The following CDH18 variants were observed in gnomAD, a reference collection of about 807,000 sequenced individuals.
CDH18 encodes the protein cadherin-18.
Under a neutral mutation model 67.9 loss-of-function variants are expected in CDH18, and 31 were observed. That is an observed-to-expected ratio of 0.46 (90% confidence interval 0.34 to 0.62). The LOEUF (loss-of-function observed/expected upper bound fraction) is 0.62, where lower values mean the gene tolerates loss of function less well. Ranked by LOEUF, CDH18 falls within the 20% of genes least tolerant of loss-of-function variation. The pLI, the probability that CDH18 is intolerant of heterozygous loss-of-function variation, is 0.01. For synonymous variants in CDH18, 362 were observed against 347.2 expected (o/e 1.04, Z -0.48); for missense variants, 890 against 975.5 (o/e 0.91, Z 1.17).
intron 2 of CDH18, among the ~76,000 whole-genome samples, chr5:20,164,290 T>A (rs751775310): frequency 2.0e-5 from 3 of 152,148 alleles, no homozygotes; most frequent in Non-Finnish European, 2.9e-5. Flanking sequence ...GTTTGTTTGT[T>A]TTTTGTATTT....
intron 1 of CDH18, among the ~76,000 whole-genome samples, chr5:20,514,102 A>T (rs758326895): frequency 4.8e-4 from 73 of 152,246 alleles, no homozygotes; most frequent in Non-Finnish European, 9.3e-4. Flanking sequence ...TTTTCAGTTT[A>T]AATTATTCTC....
At chr5:20,350,723 T>C (rs1741097671) in intron 1 of CDH18, among the ~76,000 whole-genome samples, 1 of 152,124 alleles carries the variant, frequency 6.6e-6, no homozygotes, top group Non-Finnish European at 1.5e-5. Context: ...GAGGCAAACA[T>C]TTCAGAACTG....
intron 6 of CDH18, among the ~76,000 whole-genome samples, chr5:19,607,813 C>A (rs1047185054): frequency 4.6e-5 from 7 of 151,200 alleles, no homozygotes; most frequent in Non-Finnish European, 8.9e-5. Flanking sequence ...TTATACCACA[C>A]AAACCATAAC....
chr5:19,989,434 C>G (rs567274864), upstream of CDH18, among the ~76,000 whole-genome samples: 83 of 152,270 alleles, frequency 5.5e-4, no homozygotes, highest in Admixed American at 9.2e-4. Flanking sequence ...ACGGCTGGGA[C>G]ATACCTTTAC....
chr5:20,239,752 T>C (rs1742750162), intron 2 of CDH18, among the ~76,000 whole-genome samples: 1 of 152,158 alleles, frequency 6.6e-6, no homozygotes, highest in African/African-American at 2.4e-5. Context: ...ATGAAGATGC[T>C]TGACAATCTT....
intron 2 of CDH18, among the ~76,000 whole-genome samples, chr5:19,976,896 G>T (rs1204131340): frequency 1.3e-5 from 2 of 152,092 alleles, no homozygotes; most frequent in East Asian, 3.9e-4. Context: ...CTAATATTAA[G>T]TAAGGATTAA....
chr5:20,292,336 G>A (rs545687502), intron 1 of CDH18, among the ~76,000 whole-genome samples: 1 of 152,292 alleles, frequency 6.6e-6, no homozygotes, highest in East Asian at 1.9e-4. Flanking sequence ...TGGATTTGAG[G>A]ATAGAGAGCT....
rs752178597 is a variant in CDH18 at position 19,543,923 on chromosome 5, G to A, written c.1336C>T (p.Leu446Phe). ...TACCATGGAGTTTCTTCTCTGTCGA[G>A]AACCTTTGTAGTCCTAATGGTCCCA... ...NTGTIRTTKVLDREETPWYNI... is the reference protein window; with the variant it reads ...NTGTIRTTKVFDREETPWYNI... Residue 446 changes from leucine to phenylalanine, a missense_variant, in exon 9 of 13, where the codon CTC becomes TTC. Physicochemically the swap from Leu to Phe is conservative, Grantham distance 22 (BLOSUM62 0). This residue lies in a region of CDH18 where 656 missense variants were observed against 668.1 expected (regional missense o/e 0.98). Transcript: ENST00000382275. The A allele has an allele frequency of 6.3e-7, 1 of 1,596,206 alleles. No individual in the cohort carries two copies. Among genetic ancestry groups the A allele is most frequent in the Non-Finnish European group, 8.6e-7 (1 of 1,167,792 alleles).
Position 20,404,376 on chromosome 5 carries a change from T to C in CDH18, c.-579-148871A>G, listed in dbSNP as rs147617571. 8.5e-5 allele frequency among the ~76,000 whole-genome samples: 13 copies of C among 152,348 alleles called. No homozygotes were observed. In the East Asian group the frequency reaches 2.3e-3, roughly 27 times the overall value. ...CAAAAGGCCTAGCTTTGGGTCTGTC[T>C]TGTCCTTTGGCATGCCTTTTTCACC... On this transcript the variant is annotated intron_variant, in intron 1 of 14. Transcript: ENST00000507958.
Position 20,330,209 on chromosome 5 carries a change from C to CTGAAA in CDH18, c.-579-74709_-579-74705dup, listed in dbSNP as rs570302730. On this transcript the variant is annotated intron_variant, in intron 1 of 14. Transcript: ENST00000507958. ...TCCAATGGAAAATTTGAATCTATTG[C>CTGAAA]TGAAATTGCTGTCTTAGGTAATTCA... 2.2e-4 allele frequency among the ~76,000 whole-genome samples: 33 copies of CTGAAA among 152,072 alleles called. No individual in the cohort carries two copies. The South Asian group carries it at 6.0e-3, about 28-fold the overall frequency.
At chr5:19,589,793 T>C (rs921060365) in intron 7 of CDH18, among the ~76,000 whole-genome samples, 4 of 152,132 alleles carry the variant, frequency 2.6e-5, no homozygotes, top group Admixed American at 2.6e-4. Flanking sequence ...TTTTGATCCC[T>C]TAAATGTGCC....
chr5:19,479,157 A>T (rs372813363), intron 12 of CDH18, among the ~76,000 whole-genome samples: 69 of 152,204 alleles, frequency 4.5e-4, no homozygotes, highest in African/African-American at 1.6e-3. Flanking sequence ...TAGAAATAGA[A>T]ACAAGAAAAA....
chr5:20,370,857 T>G (rs1289814655), intron 1 of CDH18, among the ~76,000 whole-genome samples: 1 of 151,988 alleles, frequency 6.6e-6, no homozygotes, highest in Non-Finnish European at 1.5e-5. Context: ...GCCAACATGA[T>G]GAAACCCCAT....
chr5:20,474,008 C>T (rs1752270015), intron 1 of CDH18, among the ~76,000 whole-genome samples: 1 of 152,104 alleles, frequency 6.6e-6, no homozygotes, highest in African/African-American at 2.4e-5. Flanking sequence ...TTGTAAATCT[C>T]CCCTTAATTC....
At chr5:20,130,133 G>A (rs1749149983) in intron 2 of CDH18, among the ~76,000 whole-genome samples, 1 of 150,402 alleles carries the variant, frequency 6.6e-6, no homozygotes, top group Admixed American at 6.6e-5. Flanking sequence ...TATTTTAGGG[G>A]AAATCAGAGG....
chr5:20,379,245 C>T (rs1743711406), intron 1 of CDH18, among the ~76,000 whole-genome samples: 1 of 152,116 alleles, frequency 6.6e-6, no homozygotes, highest in Non-Finnish European at 1.5e-5. Flanking sequence ...CTTTCTTTGA[C>T]AATTGTCATG....
intron 9 of CDH18, among the ~76,000 whole-genome samples, chr5:19,521,934 A>T (rs960237561): frequency 6.6e-6 from 1 of 151,986 alleles, no homozygotes; most frequent in Non-Finnish European, 1.5e-5. Flanking sequence ...TTGCTTGTGA[A>T]ACTTTGGAAC....
intron 2 of CDH18, among the ~76,000 whole-genome samples, chr5:20,204,372 C>T (rs1375629968): frequency 2.6e-5 from 4 of 151,432 alleles, no homozygotes; most frequent in Non-Finnish European, 5.9e-5. Flanking sequence ...AAAAAAAGTG[C>T]CATACAAAAG....
At chr5:20,292,342 G>A (rs1747165361) in intron 1 of CDH18, among the ~76,000 whole-genome samples, 1 of 152,158 alleles carries the variant, frequency 6.6e-6, no homozygotes, top group Admixed American at 6.5e-5. Flanking sequence ...TGAGGATAGA[G>A]AGCTGCTGAA....
Sources: gnomAD v4.1 joint callset for allele counts (sites outside exome capture counted in the v4.1 genomes callset) on GRCh38, gnomAD v4.1.1 for gene constraint, gnomAD v4.1.1 regional missense constraint, MANE v1.5 for transcripts, NCBI Gene and HGNC (gene_info 2026-07-23, HGNC 2026-07-21) for gene names.